Variants in MAPK10 observed in about 807,000 individuals in gnomAD.
MAPK10 encodes the protein mitogen-activated protein kinase 10.
In MAPK10, 25 loss-of-function variants were observed where a neutral mutation model predicts 59.3. The ratio of observed to expected loss-of-function variants is 0.42; its 90% CI spans 0.31 to 0.59. The LOEUF is 0.59. MAPK10 is among the 20% of genes least tolerant of loss of function. The pLI, the probability that MAPK10 is intolerant of heterozygous loss-of-function variation, is 0.15. For synonymous variants in MAPK10, 190 were observed against 200.5 expected (o/e 0.95, Z 0.44); for missense variants, 351 against 568.9 (o/e 0.62, Z 3.90).
intron 4 of MAPK10, among the ~76,000 whole-genome samples, chr4:86,150,705 C>CA (rs1240201610): frequency 2.0e-5 from 3 of 152,000 alleles, no homozygotes; most frequent in South Asian, 2.1e-4. Context: ...ACTAAAAACA[C>CA]AAAAAAATTA....
At chr4:86,074,464 A>G (rs144057329) in intron 9 of MAPK10, among the ~76,000 whole-genome samples, 58,472 of 142,020 alleles carry the variant, frequency 0.41, 11,950 homozygotes, top group African/African-American at 0.52. Flanking sequence ...TTTGCTCGTT[A>G]GTTGATGCAG....
intron 3 of MAPK10, among the ~76,000 whole-genome samples, chr4:86,175,386 G>C (rs1240679990): frequency 6.6e-5 from 10 of 152,160 alleles, no homozygotes; most frequent in Admixed American, 1.3e-4. Flanking sequence ...TGTGTGATGT[G>C]ATATGGTTTT....
intron 1 of MAPK10, among the ~76,000 whole-genome samples, chr4:86,468,563 T>G (rs1752401950): frequency 6.6e-6 from 1 of 151,970 alleles, no homozygotes; most frequent in Non-Finnish European, 1.5e-5. Flanking sequence ...AGTGTGAAAA[T>G]AACAAAGCAG....
Position 86,175,714 on chromosome 4 carries a change from A to G in MAPK10, c.67-16247T>C, listed in dbSNP as rs1455393543. On this transcript the variant is annotated intron_variant, in intron 3 of 13. Transcript: ENST00000641462. ...CTTCCATGCTTCCTGTACAGCCTGC[A>G]GGACCGTGAACCAATTAAATCTCTA... is the stretch of plus-strand genomic sequence containing the variant. Among the ~76,000 whole-genome samples the G allele has an allele frequency of 4.6e-5, 7 of 152,134 alleles. No homozygotes were observed. In the South Asian group the frequency reaches 1.4e-3, roughly 31 times the overall value.
At chr4:86,220,084 A>G (rs912624574) in intron 2 of MAPK10, among the ~76,000 whole-genome samples, 1 of 152,198 alleles carries the variant, frequency 6.6e-6, no homozygotes, top group Admixed American at 6.5e-5. Context: ...CTATTTTAAG[A>G]TATCAATTAT....
At chr4:86,549,774 G>A (rs930768150) in intron 1 of MAPK10, among the ~76,000 whole-genome samples, 3 of 152,276 alleles carry the variant, frequency 2.0e-5, no homozygotes, top group Admixed American at 6.5e-5. Flanking sequence ...GAGTCCAGGA[G>A]TTTGAGGTTA....
At chr4:86,428,585 T>C (rs989108713) in intron 1 of MAPK10, among the ~76,000 whole-genome samples, 1 of 152,184 alleles carries the variant, frequency 6.6e-6, no homozygotes, top group African/African-American at 2.4e-5. Flanking sequence ...GATAGACAGA[T>C]AGACAGATAG....
At chr4:86,480,070 G>A (rs1298498870) in intron 1 of MAPK10, among the ~76,000 whole-genome samples, 6 of 152,076 alleles carry the variant, frequency 3.9e-5, no homozygotes, top group Non-Finnish European at 8.8e-5. Context: ...GGAATGTCAG[G>A]CCTCTGAGCC....
chr4:86,539,707 A>T (rs931834607), intron 1 of MAPK10, among the ~76,000 whole-genome samples: 1 of 152,208 alleles, frequency 6.6e-6, no homozygotes, highest in Non-Finnish European at 1.5e-5. Context: ...CACATGTGAG[A>T]ACAAGCTTTT....
chr4:86,045,966 T>G (rs899327986), intron 11 of MAPK10, among the ~76,000 whole-genome samples: 1 of 151,846 alleles, frequency 6.6e-6, no homozygotes, highest in Admixed American at 6.6e-5. Context: ...AAATTTGGAA[T>G]ACGTATCATC....
intron 3 of MAPK10, chr4:86,160,376 T>C (rs1308576240): frequency 1.3e-5 from 2 of 151,990 alleles, no homozygotes; most frequent in Admixed American, 1.3e-4. Context: ...GTGGATGCCT[T>C]CCCAGCAGTC....
At chr4:86,322,571 T>C (rs1228867028) in intron 2 of MAPK10, among the ~76,000 whole-genome samples, 1 of 152,224 alleles carries the variant, frequency 6.6e-6, no homozygotes, top group Non-Finnish European at 1.5e-5. Flanking sequence ...GGCACTCCTG[T>C]GGCCAAATTC....
chr4:86,472,614 A>G (rs1010018274), intron 1 of MAPK10, among the ~76,000 whole-genome samples: 1 of 152,168 alleles, frequency 6.6e-6, no homozygotes, highest in Non-Finnish European at 1.5e-5. Flanking sequence ...ACTGCACTTC[A>G]GCCTGTGCAA....
intron 1 of MAPK10, among the ~76,000 whole-genome samples, chr4:86,420,559 G>A (rs558433662): frequency 6.6e-5 from 10 of 151,104 alleles, no homozygotes; most frequent in African/African-American, 1.7e-4. Flanking sequence ...AGGCTGAGGC[G>A]AGTGTATCAC....
intron 2 of MAPK10, among the ~76,000 whole-genome samples, chr4:86,310,532 G>T (rs891212012): frequency 5.3e-5 from 8 of 152,096 alleles, no homozygotes; most frequent in Non-Finnish European, 1.5e-5. Context: ...TGATCAACGT[G>T]CATAGTACAT....
intron 2 of MAPK10, among the ~76,000 whole-genome samples, chr4:86,284,485 T>G (rs2094928280): frequency 6.6e-6 from 1 of 152,210 alleles, no homozygotes; most frequent in East Asian, 1.9e-4. Context: ...TCAGCTTCGA[T>G]GTCATCATTT....
chr4:86,309,901 T>C (rs930401514), intron 2 of MAPK10, among the ~76,000 whole-genome samples: 5 of 152,174 alleles, frequency 3.3e-5, no homozygotes. Flanking sequence ...TTGAACTGTT[T>C]GAGCCTGTGA....
intron 1 of MAPK10, among the ~76,000 whole-genome samples, chr4:86,552,502 A>AAGGGAAGG (rs1276345907): frequency 6.4e-4 from 21 of 32,956 alleles, no homozygotes; most frequent in East Asian, 2.6e-3. Context: ...GGAGGGAAGG[A>AAGGGAAGG]AAGGAAGGAA....
At chr4:86,360,870 A>C (rs56776898), upstream of MAPK10, among the ~76,000 whole-genome samples, 614 of 152,328 alleles carry the variant, frequency 4.0e-3, 1 homozygote, top group African/African-American at 0.014. Context: ...CACTATAAAA[A>C]AAAATTAGGT....
Sources: gnomAD v4.1 joint callset for allele counts (sites outside exome capture counted in the v4.1 genomes callset) on GRCh38, gnomAD v4.1.1 for gene constraint, MANE v1.5 for transcripts, NCBI Gene and HGNC (gene_info 2026-07-23, HGNC 2026-07-21) for gene names.